The following LRRC71 variants were observed in gnomAD, a reference collection of about 807,000 sequenced individuals.
LRRC71 encodes the protein leucine rich repeat containing 71.
In LRRC71, 54 loss-of-function variants were observed where a neutral mutation model predicts 66.6. The ratio of observed to expected loss-of-function variants is 0.81; its 90% CI spans 0.65 to 1.02. LRRC71 has a LOEUF of 1.02. Ranked by LOEUF, LRRC71 falls within the 50% of genes least tolerant of loss-of-function variation. LRRC71 has a pLI of 0.00. For missense variants in LRRC71, 724 were observed against 718.0 expected (o/e 1.01, Z -0.10); for synonymous variants, 323 against 303.9 (o/e 1.06, Z -0.65).
At chr1:156,928,556 C>CT (rs1653771512) in intron 9 of LRRC71, among the ~76,000 whole-genome samples, 1 of 131,622 alleles carries the variant, frequency 7.6e-6, no homozygotes, top group African/African-American at 2.9e-5. Flanking sequence ...CTTCTTTCTT[C>CT]TTCTTACTTT....
In LRRC71 at chr1:156,929,304, T is replaced by C. The variant is rs1286188723; in HGVS notation, c.1021T>C (p.Ser341Pro). 6.2e-6 allele frequency: 10 copies of C among 1,608,830 alleles called. No individual in the cohort carries two copies. Among genetic ancestry groups the C allele is most frequent in the Non-Finnish European group, 8.5e-6 (10 of 1,177,646 alleles). Residue 341 changes from serine to proline, a missense_variant, in exon 10 of 15, where the codon TCC becomes CCC. By Grantham distance (74) the Ser-to-Pro change is moderately conservative. Transcript: ENST00000337428. ...RSPSSSRHGD[S>P]KTDREKSQMV... ...GCCCTCCTCCTCTCGACACGGGGAC[T>C]CCAAAACGGACCGTGAGAAGAGTCA...
the LRRC71 span, chr1:156,939,148 C>T: frequency 7.3e-6 from 2 of 273,056 alleles, no homozygotes; most frequent in Non-Finnish European, 1.4e-5. Flanking sequence ...GCTGCATGCA[C>T]CTGCCCTGTC....
At chr1:156,926,835 A>G (rs571920118) in intron 5 of LRRC71, among the ~76,000 whole-genome samples, 9 of 152,172 alleles carry the variant, frequency 5.9e-5, no homozygotes, top group African/African-American at 1.7e-4. Context: ...CTTGGCCTCA[A>G]AAAGTGCTGG....
intron 9 of LRRC71, among the ~76,000 whole-genome samples, chr1:156,928,363 C>CTCTTCTCCTTCTTCTTCTTCT (rs1653596078): frequency 4.0e-5 from 4 of 98,820 alleles, no homozygotes; most frequent in South Asian, 3.9e-4. Flanking sequence ...CTTCTTCTTC[C>CTCTTCTCCTTCTTCTTCTTCT]TCTTCTTCTT....
chr1:156,930,497 AC>A, intron 11 of LRRC71, 31 bp from the exon 12 acceptor site: 1 of 1,532,532 alleles, frequency 6.5e-7, no homozygotes, highest in Non-Finnish European at 8.9e-7. Flanking sequence ...AGAAGTGTGC[AC>A]TGTGCATTCT....
chr1:156,924,282 C>A (rs1652849550), intron 2 of LRRC71, 142 bp from the exon 3 acceptor site: 33 of 1,323,012 alleles, frequency 2.5e-5, no homozygotes, highest in Non-Finnish European at 3.0e-5. Flanking sequence ...AGCAGAGGCG[C>A]GAGTGGCCGG....
intron 1 of LRRC71, among the ~76,000 whole-genome samples, chr1:156,921,300 A>G (rs955547772): frequency 2.6e-5 from 4 of 152,252 alleles, no homozygotes; most frequent in Non-Finnish European, 5.9e-5. Flanking sequence ...GCCAGCCATG[A>G]GGCCAGATAT....
At position 156,932,912 on chromosome 1, in the gene LRRC71, A is replaced by C; in HGVS notation, c.1623A>C (p.Pro541=). 1 of 1,604,626 alleles carries C rather than the reference A, an allele frequency of 6.2e-7. No homozygotes were observed. The highest frequency in any genetic ancestry group is 1.1e-5 in the South Asian group (1 of 88,780). ...CCATAATCCAGGAGCTGATGTTGCC[A>C]AGGGATCCCATCAAGGCCAAACTCA... ...AYAIIQELML[P]RDPIKAKLRE... The change falls in exon 15 of 15, where the codon CCA becomes CCC. Residue 541 remains proline, a synonymous_variant. Coordinates refer to ENST00000337428, the MANE Select transcript of LRRC71 (RefSeq NM_144702.3).
intron 2 of LRRC71, 41 bp from the exon 3 acceptor site, chr1:156,924,383 G>C: frequency 6.5e-7 from 1 of 1,538,312 alleles, no homozygotes; most frequent in South Asian, 1.2e-5. Flanking sequence ...GTGGGGCCCT[G>C]GAGGTGGCTG....
At chr1:156,932,720 G>A (rs1654567753) in intron 14 of LRRC71, 133 bp from the exon 15 acceptor site, 1 of 1,523,118 alleles carries the variant, frequency 6.6e-7, no homozygotes, top group South Asian at 1.2e-5. Context: ...AAAATCAGCA[G>A]TATTAATCAC....
chr1:156,935,909 G>A (rs145980265), downstream of LRRC71: 200 of 1,396,904 alleles, frequency 1.4e-4, no homozygotes, highest in East Asian at 3.3e-3. Flanking sequence ...CCACAGGGAG[G>A]AGTGTTGGGA....
intron 12 of LRRC71, 91 bp from the exon 13 acceptor site, chr1:156,931,825 T>A (rs1381456002): frequency 2.2e-5 from 23 of 1,050,996 alleles, no homozygotes; most frequent in Middle Eastern, 4.1e-4. Flanking sequence ...TAGCCGGCAG[T>A]CAAAACATGT....
At chr1:156,936,485 A>G (rs1571102172), downstream of LRRC71, among the ~76,000 whole-genome samples, 1 of 75,410 alleles carries the variant, frequency 1.3e-5, no homozygotes, top group Admixed American at 1.5e-4. Flanking sequence ...AAATAGAAAA[A>G]AAAAAAAAAA....
chr1:156,938,346 G>A, the LRRC71 span: 1 of 1,413,384 alleles, frequency 7.1e-7, no homozygotes. Flanking sequence ...ATGGGCAGGG[G>A]TCCGACTCTG....
At chr1:156,929,550 C>T (rs1039435119) in intron 10 of LRRC71, 86 bp from the exon 11 acceptor site, 19 of 1,533,584 alleles carry the variant, frequency 1.2e-5, no homozygotes, top group Middle Eastern at 1.7e-4. Context: ...CCTAAGGCCC[C>T]GGGTCCTAAC....
rs1413431146 is a variant in LRRC71 at position 156,927,637 on chromosome 1, C to T, written c.804C>T (p.Gly268=). ...GTTTCAACCACATCGGTGACGAGGGCGCAGGCTACATCGCGGACGTGAGTG... is the reference window on the plus strand; with the variant it reads ...GTTTCAACCACATCGGTGACGAGGGTGCAGGCTACATCGCGGACGTGAGTG... ...NLGFNHIGDE[G]AGYIADGLRL... is the part of the protein sequence containing the mutation. The change falls in exon 7 of 15, where the codon GGC becomes GGT. Residue 268 remains glycine (G), a synonymous_variant. Transcript: ENST00000337428. 1.9e-6 allele frequency: 3 copies of T among 1,605,018 alleles called. No homozygotes were observed. Among genetic ancestry groups the T allele is most frequent in the Non-Finnish European group, 1.7e-6 (2 of 1,176,260 alleles).
intron 5 of LRRC71, among the ~76,000 whole-genome samples, chr1:156,926,933 G>A (rs2101618333): frequency 6.6e-6 from 1 of 152,320 alleles, no homozygotes; most frequent in East Asian, 1.9e-4. Context: ...TGACACAGGG[G>A]CATGAGTTCC....
intron 6 of LRRC71, 102 bp downstream of exon 6, chr1:156,927,372 G>A: frequency 2.6e-6 from 4 of 1,528,646 alleles, no homozygotes; most frequent in Non-Finnish European, 3.6e-6. Flanking sequence ...CTCGGCAAGG[G>A]CCCTCGATTT....
the LRRC71 span, chr1:156,940,169 G>C: frequency 9.1e-6 from 14 of 1,534,316 alleles, no homozygotes; most frequent in Admixed American, 2.0e-5. Context: ...TGTGCGACTG[G>C]GGACCAGGGG....
Sources: allele counts gnomAD v4.1 joint callset (sites outside exome capture counted in the v4.1 genomes callset), GRCh38; gene constraint gnomAD v4.1.1; transcripts MANE v1.5; gene names NCBI Gene and HGNC (gene_info 2026-07-23, HGNC 2026-07-21).